OLFML2A: variants seen among roughly 807,000 people sequenced by gnomAD.
OLFML2A encodes olfactomedin-like protein 2A.
A neutral mutation model predicts 60.9 loss-of-function variants in OLFML2A; 47 were observed. The ratio of observed to expected loss-of-function variants is 0.77; its 90% confidence interval spans 0.61 to 0.98. OLFML2A has a LOEUF of 0.98. Among genes scored for constraint, OLFML2A ranks in the 50% least tolerant of loss-of-function variants. The probability of loss-of-function intolerance (pLI) is 0.00; values close to 1 mark genes in which losing one functional copy is unlikely to be tolerated. For synonymous variants in OLFML2A, 372 were observed against 375.0 expected, an observed-to-expected ratio of 0.99 and a Z score of 0.09; for missense variants, 922 against 879.8, an observed-to-expected ratio of 1.05 and a Z score of -0.61.
Position 124,795,050 on chromosome 9 carries a change from G to A in OLFML2A, c.381G>A (p.Glu127=), listed in dbSNP as rs776261691. The change falls in exon 3 of 8, where the codon GAG becomes GAA. Residue 127 remains glutamate, a synonymous_variant. Coordinates refer to ENST00000373580, the MANE Select transcript of OLFML2A (RefSeq NM_182487.4). ...LKLQSMVDLL[E]GTLYSMDLMK... is the part of the protein sequence containing the mutation. ...TGCAGTCCATGGTGGATCTCCTGGA[G>A]GGCACCCTGTACAGCATGGACTTGA... 3 of 1,606,710 alleles carry A rather than the reference G, an allele frequency of 1.9e-6. No homozygotes were observed. The highest frequency in any genetic ancestry group is 2.6e-6 in the Non-Finnish European group (3 of 1,176,114).
chr9:124,813,632 A>G lies in OLFML2A; in HGVS notation c.*3220A>G, dbSNP rs1490576105. On this transcript the variant is annotated 3_prime_UTR_variant, in exon 8 of 8. Transcript: ENST00000373580. Reference sequence around the variant, plus strand: ...CATCCACAGAGAAGCCCCAAGAAGGAGGTTGGGGCCAGCTCATAAAAAGCC... The same window carrying G: ...CATCCACAGAGAAGCCCCAAGAAGGGGGTTGGGGCCAGCTCATAAAAAGCC... The G allele has an allele frequency of 6.6e-6, 1 of 152,150 alleles. No homozygotes were observed. The highest frequency in any genetic ancestry group is 1.9e-4 in the East Asian group (1 of 5,194). 9.4% of individuals were successfully genotyped at this position (152,150 alleles called of 1,614,324 possible).
chr9:124,785,536 C>T (rs538169805), intron 1 of OLFML2A, among the ~76,000 whole-genome samples: 290 of 151,540 alleles, frequency 1.9e-3, no homozygotes, highest in Non-Finnish European at 3.3e-3. Flanking sequence ...TAGCTGGGAC[C>T]ACAGGCGCCC....
At chr9:124,807,089 A>ATTTTTT (rs151131740) in intron 6 of OLFML2A, among the ~76,000 whole-genome samples, 1 of 142,428 alleles carries the variant, frequency 7.0e-6, no homozygotes. Context: ...AATTAAAAAA[A>ATTTTTT]TTTTTTTTTT....
In OLFML2A at chr9:124,801,504, G is replaced by A. The variant is rs775567728; in HGVS notation, c.760G>A (p.Glu254Lys). ...CAGAGGCCTCCCAAAACCTCCCAAG[G>A]AGAAGCTGCTTCAGGTGGAGAAGCT... is the stretch of plus-strand genomic sequence containing the variant. Reference protein sequence around the residue: ...ADRGLPKPPKEKLLQVEKLRK... With the variant: ...ADRGLPKPPKKKLLQVEKLRK... Residue 254 changes from glutamate to lysine, a missense_variant, in exon 5 of 8, where the codon GAG becomes AAG. Physicochemically the swap from Glu to Lys is moderately conservative, Grantham distance 56 (BLOSUM62 1). Transcript: ENST00000373580. 11 of 1,614,118 alleles carry A rather than the reference G, an allele frequency of 6.8e-6. No individual in the cohort carries two copies. The Admixed American group carries it at 1.0e-4, about 15-fold the overall frequency.
intron 2 of OLFML2A, among the ~76,000 whole-genome samples, chr9:124,790,681 C>G (rs755914985): frequency 6.6e-6 from 1 of 151,994 alleles, no homozygotes. Context: ...TCACTGGTAC[C>G]CCAAGGGTGG....
intron 3 of OLFML2A, 108 bp from the exon 4 acceptor site, chr9:124,799,177 G>A (rs1023749293): frequency 2.6e-5 from 20 of 771,722 alleles, no homozygotes; most frequent in African/African-American, 2.6e-4. Flanking sequence ...TAGCCCGTTC[G>A]GGGGACTGGG....
Position 124,804,212 on chromosome 9 carries a change from G to A in OLFML2A, c.1038G>A (p.Glu346=), listed in dbSNP as rs761280970. 20 of 1,613,926 alleles carry A rather than the reference G, an allele frequency of 1.2e-5. No homozygotes were observed. The Admixed American group carries it at 2.3e-4, about 19-fold the overall frequency. ...ATGAGGCTGAGCCCAGGTCCTCCGA[G>A]CGAGTGGACCTGGCTTCTGGCACCC... ...EQDEAEPRSS[E]RVDLASGTPT... is the part of the protein sequence containing the mutation. The change falls in exon 6 of 8, where the codon GAG becomes GAA. Residue 346 remains glutamate (E), a synonymous_variant. Coordinates refer to ENST00000373580, the MANE Select transcript of OLFML2A (RefSeq NM_182487.4).
At chr9:124,803,993 C>T in intron 5 of OLFML2A, 101 bp from the exon 6 acceptor site, 2 of 1,383,478 alleles carry the variant, frequency 1.4e-6, no homozygotes, top group Non-Finnish European at 9.8e-7. Flanking sequence ...TCCCCCTCCA[C>T]TCCCTGAGGG....
At chr9:124,809,747 G>A in intron 7 of OLFML2A, 61 bp from the exon 8 acceptor site, 1 of 1,541,916 alleles carries the variant, frequency 6.5e-7, no homozygotes, top group South Asian at 1.3e-5. Flanking sequence ...GTGGGCTCAG[G>A]GGATGTGGGT....
rs200109271 is a variant in OLFML2A at position 124,787,191 on chromosome 9, G to A, written c.307G>A (p.Glu103Lys). The stretch of plus-strand genomic sequence containing the variant: ...CTCCTCTCTCAACCCCTGTGAGAAC[G>A]AGTGGAAGATGGAGAAACTCAAAAA... ...PPSSLNPCEN[E>K]WKMEKLKKQA... is the part of the protein sequence containing the mutation. The change falls in exon 2 of 8, where the codon GAG becomes AAG. Residue 103 changes from glutamate (E) to lysine (K), a missense_variant. Physicochemically the swap from Glu to Lys is moderately conservative, Grantham distance 56 (BLOSUM62 1). Coordinates refer to ENST00000373580, the MANE Select transcript of OLFML2A (RefSeq NM_182487.4). 338 of 1,614,054 alleles carry A rather than the reference G, an allele frequency of 2.1e-4. No individual in the cohort carries two copies. The highest frequency in any genetic ancestry group is 2.8e-4 in the Non-Finnish European group (325 of 1,180,032).
At chr9:124,780,954 C>T (rs1177129273) in intron 1 of OLFML2A, among the ~76,000 whole-genome samples, 1 of 152,226 alleles carries the variant, frequency 6.6e-6, no homozygotes, top group African/African-American at 2.4e-5. Context: ...GCTGGGGAGC[C>T]GGAAAGCGTC....
At chr9:124,799,920 G>C (rs1420253189) in intron 4 of OLFML2A, among the ~76,000 whole-genome samples, 1 of 152,190 alleles carries the variant, frequency 6.6e-6, no homozygotes, top group Admixed American at 6.5e-5. Flanking sequence ...AGGGACCCCT[G>C]CAGACTGATA....
At chr9:124,789,888 C>T (rs1384718448) in intron 2 of OLFML2A, among the ~76,000 whole-genome samples, 1 of 152,212 alleles carries the variant, frequency 6.6e-6, no homozygotes, top group Non-Finnish European at 1.5e-5. Flanking sequence ...ACTTAGGACC[C>T]TGCAGACTCA....
rs1842059358 is a variant in OLFML2A at position 124,813,463 on chromosome 9, G to A, written c.*3051G>A. 1 of 152,214 alleles carries A rather than the reference G, an allele frequency of 6.6e-6. No individual in the cohort carries two copies. The highest frequency in any genetic ancestry group is 1.5e-5 in the Non-Finnish European group (1 of 68,056). 9.4% of individuals were successfully genotyped at this position (152,214 alleles called of 1,614,324 possible). Reference sequence around the variant, plus strand: ...CTGAATGTCCTCATTTTACAGATGAGGACATTGAGGAGAAGAGACTTACCC... The same window carrying A: ...CTGAATGTCCTCATTTTACAGATGAAGACATTGAGGAGAAGAGACTTACCC... On this transcript the variant is annotated 3_prime_UTR_variant, in exon 8 of 8. Transcript: ENST00000373580.
At chr9:124,787,561 T>TATTTTATTTTATTTTATTTTATTTA in intron 2 of OLFML2A, among the ~76,000 whole-genome samples, 1 of 148,224 alleles carries the variant, frequency 6.7e-6, no homozygotes, top group Non-Finnish European at 1.5e-5. Flanking sequence ...TATTTTATTT[T>TATTTTATTTTATTTTATTTTATTTA]ATTTTATTTA....
At chr9:124,797,730 C>T (rs564962044) in intron 3 of OLFML2A, among the ~76,000 whole-genome samples, 1 of 152,320 alleles carries the variant, frequency 6.6e-6, no homozygotes, top group South Asian at 2.1e-4. Context: ...CGAACTGGGA[C>T]TGATACCTGC....
intron 7 of OLFML2A, 75 bp from the exon 8 acceptor site, chr9:124,809,733 C>T (rs1247316108): frequency 2.0e-6 from 3 of 1,522,796 alleles, no homozygotes; most frequent in African/African-American, 1.4e-5. Flanking sequence ...ACTGAGAGCC[C>T]TTGGTGGGCT....
chr9:124,807,673 A>G lies in OLFML2A; in HGVS notation c.1169-108A>G, dbSNP rs1308488878. ...AAAGGGGAAAGAAGGCCACAAACAAAATTTCAGGAGAGATTTAAGTTAGAC... is the reference window on the plus strand; with the variant it reads ...AAAGGGGAAAGAAGGCCACAAACAAGATTTCAGGAGAGATTTAAGTTAGAC... On this transcript the variant is annotated intron_variant, in intron 6 of 7. Transcript: ENST00000373580. 3.6e-6 allele frequency: 3 copies of G among 840,676 alleles called. No individual in the cohort carries two copies. In the East Asian group the frequency reaches 8.5e-5, roughly 24 times the overall value. The allele number at this position is 840,676 out of a possible 1,614,324, so 52.1% of individuals were successfully genotyped here.
chr9:124,798,962 A>G (rs996774759), intron 3 of OLFML2A, among the ~76,000 whole-genome samples: 6 of 152,246 alleles, frequency 3.9e-5, no homozygotes, highest in African/African-American at 1.4e-4. Flanking sequence ...TTAGAAGGAT[A>G]TACAAGGAAC....
Sources: allele counts gnomAD v4.1 joint callset (sites outside exome capture counted in the v4.1 genomes callset), GRCh38; gene constraint gnomAD v4.1.1; transcripts MANE v1.5; gene names NCBI Gene and HGNC (gene_info 2026-07-23, HGNC 2026-07-21).